POR: variants seen among roughly 807,000 people sequenced by gnomAD.
POR encodes NADPH--cytochrome P450 reductase.
Under a neutral mutation model 84.0 loss-of-function variants are expected in POR, and 56 were observed. The observed-to-expected ratio is 0.67, with a 90% CI of 0.54 to 0.83. The LOEUF is 0.83. POR is among the 40% of genes least tolerant of loss of function. POR has a pLI of 0.00. For missense variants in POR, 938 were observed against 944.3 expected (o/e 0.99, Z 0.09); for synonymous variants, 414 against 400.5 (o/e 1.03, Z -0.40).
At chr7:75,980,302 T>C in intron 4 of POR, 37 bp from the exon 5 acceptor site, 2 of 1,599,298 alleles carry the variant, frequency 1.3e-6, no homozygotes, top group Non-Finnish European at 1.7e-6. Flanking sequence ...ACAGGCTCAG[T>C]CATGGCCGGG....
At chr7:75,965,930 C>T (rs1300516831) in intron 2 of POR, among the ~76,000 whole-genome samples, 8 of 152,156 alleles carry the variant, frequency 5.3e-5, no homozygotes, top group African/African-American at 1.7e-4. Context: ...GGGCGCACTG[C>T]AGACAGGGTA....
At chr7:75,944,960 G>A (rs1179641407) in intron 1 of POR, among the ~76,000 whole-genome samples, 1 of 152,162 alleles carries the variant, frequency 6.6e-6, no homozygotes, top group East Asian at 1.9e-4. Flanking sequence ...CCCAGGAGAA[G>A]AAGAGAAAGA....
At chr7:75,920,159 A>G (rs921029182) in intron 1 of POR, among the ~76,000 whole-genome samples, 10 of 136,058 alleles carry the variant, frequency 7.3e-5, no homozygotes, top group Non-Finnish European at 1.4e-4. Context: ...TCTGCCTTCC[A>G]GGTTCAAGCA....
chr7:75,965,037 T>TA (rs1788116385), intron 2 of POR, among the ~76,000 whole-genome samples: 2 of 123,782 alleles, frequency 1.6e-5, no homozygotes, highest in African/African-American at 7.2e-5. Context: ...AAAAATCAAT[T>TA]TAAAAAAATG....
At chr7:75,967,630 G>A (rs373996209) in intron 2 of POR, among the ~76,000 whole-genome samples, 125 of 150,056 alleles carry the variant, frequency 8.3e-4, no homozygotes, top group African/African-American at 2.7e-3. Flanking sequence ...GCTTTGTTCC[G>A]CAGACATGAC....
Position 75,985,576 on chromosome 7 carries a change from C to G in POR, c.1399-3C>G, listed in dbSNP as rs1789389849. 2 of 1,532,508 alleles carry G rather than the reference C, an allele frequency of 1.3e-6. No individual in the cohort carries two copies. The highest frequency in any genetic ancestry group is 1.8e-6 in the Non-Finnish European group (2 of 1,135,008). The allele number at this position is 1,532,508 out of a possible 1,614,324, so 94.9% of individuals were successfully genotyped here. A position where few individuals can be genotyped will look rare whatever the true frequency, so the allele number is the denominator to read the frequency against. Reference sequence around the variant, plus strand: ...GGTGGAGCTCACACGGCCCTCCCCACAGGTCCACCCCAACTCTGTGCACAT... The same window carrying G: ...GGTGGAGCTCACACGGCCCTCCCCAGAGGTCCACCCCAACTCTGTGCACAT... On this transcript the variant is annotated splice_region_variant and splice_polypyrimidine_tract_variant and intron_variant, in intron 12 of 15. Transcript: ENST00000461988.
chr7:75,949,342 G>C (rs1287503105), intron 1 of POR, among the ~76,000 whole-genome samples: 2 of 152,092 alleles, frequency 1.3e-5, no homozygotes, highest in Non-Finnish European at 2.9e-5. Context: ...TTTTAGTAGA[G>C]ATGGAGTTTC....
intron 1 of POR, among the ~76,000 whole-genome samples, chr7:75,938,905 C>A (rs1244828440): frequency 6.6e-6 from 1 of 152,220 alleles, no homozygotes; most frequent in Admixed American, 6.5e-5. Flanking sequence ...CTTCGCTCAT[C>A]CCCCTAATCT....
At position 75,981,342 on chromosome 7, in the gene POR, G is replaced by A. The variant is rs571837230; in HGVS notation, c.641+170G>A. 5.3e-4 allele frequency among the ~76,000 whole-genome samples: 80 copies of A among 152,184 alleles called. No homozygotes were observed. The highest frequency in any genetic ancestry group is 2.9e-3 in the South Asian group (14 of 4,824). ...CCTGCCCCTGCCAGTTTTGCTTTTC[G>A]GCTTGCCCAACTCCCTGGAGCCTTC... is the stretch of plus-strand genomic sequence containing the variant. On this transcript the variant is annotated intron_variant, in intron 6 of 15. Coordinates refer to ENST00000461988, the MANE Select transcript of POR (RefSeq NM_000941.3).
chr7:75,950,677 T>C (rs1554552612), intron 1 of POR, among the ~76,000 whole-genome samples: 1 of 152,222 alleles, frequency 6.6e-6, no homozygotes, highest in African/African-American at 2.4e-5. Flanking sequence ...CTGATATGAC[T>C]AGCATTAAGT....
At chr7:75,924,784 G>A (rs1479346012) in intron 1 of POR, among the ~76,000 whole-genome samples, 8 of 152,090 alleles carry the variant, frequency 5.3e-5, no homozygotes, top group Non-Finnish European at 7.3e-5. Flanking sequence ...AAAATAAAAG[G>A]AGTTGAGTGT....
chr7:75,947,684 T>G (rs1787242363), intron 1 of POR, among the ~76,000 whole-genome samples: 1 of 152,176 alleles, frequency 6.6e-6, no homozygotes, highest in Non-Finnish European at 1.5e-5. Context: ...ACCGATTCCC[T>G]TCATTCCCTT....
chr7:75,986,786 C>T lies in POR; in HGVS notation c.*305C>T, dbSNP rs555033836. The T allele has an allele frequency of 4.3e-5, 25 of 580,168 alleles. No individual in the cohort carries two copies. Among genetic ancestry groups the T allele is most frequent in the South Asian group, 1.4e-4 (6 of 43,758 alleles). 35.9% of individuals were successfully genotyped at this position (580,168 alleles called of 1,614,324 possible). A position where few individuals can be genotyped will look rare whatever the true frequency, so the allele number is the denominator to read the frequency against. On this transcript the variant is annotated 3_prime_UTR_variant, in exon 16 of 16. Transcript: ENST00000461988. ...TGCTGAGCTGGGCCCAGCCCCTCCA[C>T]GTGATTTCCAGTGAGTGTAAATAAT...
At chr7:75,976,192 C>T (rs532933162) in intron 3 of POR, among the ~76,000 whole-genome samples, 1 of 152,072 alleles carries the variant, frequency 6.6e-6, no homozygotes, top group Non-Finnish European at 1.5e-5. Context: ...TTCTCTTAAC[C>T]TGATAATCAT....
chr7:75,967,756 A>G (rs1384871373), intron 2 of POR: 4 of 277,772 alleles, frequency 1.4e-5, no homozygotes, highest in African/African-American at 4.3e-5. Flanking sequence ...CCCTCGGTCC[A>G]TACAGAGGGA....
chr7:75,934,300 T>C (rs1807567026), intron 1 of POR, among the ~76,000 whole-genome samples: 1 of 152,016 alleles, frequency 6.6e-6, no homozygotes, highest in African/African-American at 2.4e-5. Flanking sequence ...AGATCCAGCT[T>C]CCACCCGAGG....
At position 75,985,815 on chromosome 7, in the gene POR, C is replaced by A. The variant is rs1789411010; in HGVS notation, c.1635C>A (p.Gly545=). ...GCACCGGGGTGGCACCCTTCATAGG[C>A]TTCATCCAGGAGCGGGCCTGGCTGC... Residue 545 remains glycine (G), a synonymous_variant, in exon 13 of 16, where the codon GGC becomes GGA. Coordinates refer to ENST00000461988, the MANE Select transcript of POR (RefSeq NM_000941.3). The A allele has an allele frequency of 6.4e-7, 1 of 1,559,142 alleles. No individual in the cohort carries two copies. The highest frequency in any genetic ancestry group is 8.7e-7 in the Non-Finnish European group (1 of 1,150,474).
chr7:75,922,934 G>A (rs11769059), intron 1 of POR: 89,228 of 664,198 alleles, frequency 0.13, 10,021 homozygotes, highest in African/African-American at 0.44. Flanking sequence ...GATTCCTGGC[G>A]GCAGAAACAT....
intron 4 of POR, among the ~76,000 whole-genome samples, chr7:75,980,100 C>T (rs1554557451): frequency 6.6e-6 from 1 of 152,214 alleles, no homozygotes; most frequent in Non-Finnish European, 1.5e-5. Flanking sequence ...GCTTCACTTT[C>T]CTCTAGAAAC....
Sources: gnomAD v4.1 joint callset for allele counts (sites outside exome capture counted in the v4.1 genomes callset) on GRCh38, gnomAD v4.1.1 for gene constraint, MANE v1.5 for transcripts, NCBI Gene and HGNC (gene_info 2026-07-23, HGNC 2026-07-21) for gene names.